LOC128462377: variants seen among roughly 807,000 people sequenced by gnomAD.
the LOC128462377 span, among the ~76,000 whole-genome samples, chr16:89,375,348 G>T: frequency 6.6e-6 from 1 of 152,242 alleles, no homozygotes; most frequent in African/African-American, 2.4e-5. Flanking sequence ...CAGCTACTCA[G>T]AAGGCTGAGA....
the LOC128462377 span, among the ~76,000 whole-genome samples, chr16:89,344,825 G>A: frequency 6.0e-3 from 914 of 152,324 alleles, 3 homozygotes; most frequent in Non-Finnish European, 9.3e-3. Context: ...AATAGCAGAC[G>A]AGGCGTGAGA....
chr16:89,324,125 A>C, the LOC128462377 span: 1 of 783,144 alleles, frequency 1.3e-6, no homozygotes, highest in Non-Finnish European at 1.7e-6. Flanking sequence ...GCCCCACGGC[A>C]CAACGCTCTC....
chr16:89,333,574 A>G, the LOC128462377 span, among the ~76,000 whole-genome samples: 1 of 152,066 alleles, frequency 6.6e-6, no homozygotes, highest in Non-Finnish European at 1.5e-5. Context: ...TGCTGTCTGC[A>G]CAGTTTTGCC....
the LOC128462377 span, among the ~76,000 whole-genome samples, chr16:89,399,380 A>T: frequency 2.0e-5 from 3 of 152,216 alleles, no homozygotes; most frequent in African/African-American, 2.4e-5. Context: ...CCATAGACGC[A>T]TGCTGCTGAG....
chr16:89,366,752 A>G, the LOC128462377 span, among the ~76,000 whole-genome samples: 1 of 152,180 alleles, frequency 6.6e-6, no homozygotes, highest in Admixed American at 6.5e-5. Context: ...GCTCTCTTGA[A>G]TGTGTGCTAT....
chr16:89,324,359 A>G, the LOC128462377 span: 11 of 1,000,928 alleles, frequency 1.1e-5, no homozygotes, highest in Non-Finnish European at 1.4e-5. Context: ...AGAGGGAAAA[A>G]GCCAGGAGGG....
the LOC128462377 span, among the ~76,000 whole-genome samples, chr16:89,389,902 C>T: frequency 1.2e-5 from 1 of 83,848 alleles, no homozygotes; most frequent in South Asian, 4.8e-4. Flanking sequence ...CGGGGAGCAC[C>T]GAGAGAGATC....
chr16:89,375,429 C>T, the LOC128462377 span, among the ~76,000 whole-genome samples: 4 of 151,218 alleles, frequency 2.6e-5, no homozygotes, highest in Non-Finnish European at 5.9e-5. Flanking sequence ...CAAGCCGCTG[C>T]GCTCCCGCCC....
chr16:89,375,906 A>G, the LOC128462377 span, among the ~76,000 whole-genome samples: 2 of 152,210 alleles, frequency 1.3e-5, no homozygotes, highest in Non-Finnish European at 2.9e-5. Flanking sequence ...CCCAAGAAGC[A>G]GAGCTCCCAG....
At chr16:89,352,797 C>T in the LOC128462377 span, among the ~76,000 whole-genome samples, 1 of 152,164 alleles carries the variant, frequency 6.6e-6, no homozygotes, top group Non-Finnish European at 1.5e-5. Context: ...GTGCTGCTGC[C>T]CTCCTTCAAG....
At chr16:89,334,295 C>T in the LOC128462377 span, among the ~76,000 whole-genome samples, 23 of 152,044 alleles carry the variant, frequency 1.5e-4, 1 homozygote, top group Non-Finnish European at 2.4e-4. Flanking sequence ...GGAGTCAACC[C>T]CCAGTGAGTG....
chr16:89,359,468 T>G, the LOC128462377 span, among the ~76,000 whole-genome samples: 1 of 152,030 alleles, frequency 6.6e-6, no homozygotes. Flanking sequence ...CTGCAGCCCC[T>G]CGGCCCCCAC....
At chr16:89,386,208 C>T in the LOC128462377 span, among the ~76,000 whole-genome samples, 1 of 152,128 alleles carries the variant, frequency 6.6e-6, no homozygotes, top group East Asian at 1.9e-4. Context: ...AAATGGAAAT[C>T]CACACTACAA....
the LOC128462377 span, among the ~76,000 whole-genome samples, chr16:89,408,337 G>C: frequency 6.6e-6 from 1 of 152,238 alleles, no homozygotes; most frequent in Non-Finnish European, 1.5e-5. Context: ...ACAAAGAGGC[G>C]TGAAGCTGGC....
the LOC128462377 span, among the ~76,000 whole-genome samples, chr16:89,349,097 T>C: frequency 0.56 from 70,627 of 125,630 alleles, 18,936 homozygotes; most frequent in Middle Eastern, 0.68. Flanking sequence ...CACTGCACTC[T>C]AGCCTGGGGG....
chr16:89,341,430 A>G, the LOC128462377 span, among the ~76,000 whole-genome samples: 14 of 152,202 alleles, frequency 9.2e-5, no homozygotes, highest in Non-Finnish European at 1.3e-4. Flanking sequence ...GACCCCACCA[A>G]GCAGCTTCCC....
the LOC128462377 span, among the ~76,000 whole-genome samples, chr16:89,347,569 C>CCA: frequency 6.6e-6 from 1 of 150,560 alleles, no homozygotes; most frequent in East Asian, 2.0e-4. Context: ...CAAGATCACG[C>CCA]CACTGCATTC....
the LOC128462377 span, among the ~76,000 whole-genome samples, chr16:89,397,463 C>T: frequency 6.6e-6 from 1 of 152,372 alleles, no homozygotes; most frequent in South Asian, 2.1e-4. Context: ...ACAGGGGGAC[C>T]CACAGGAAGC....
the LOC128462377 span, among the ~76,000 whole-genome samples, chr16:89,364,519 C>T: frequency 6.6e-6 from 1 of 152,126 alleles, no homozygotes; most frequent in African/African-American, 2.4e-5. Flanking sequence ...TTAACCTATT[C>T]GCCCTCAAAA....
Sources: allele counts gnomAD v4.1 joint callset (sites outside exome capture counted in the v4.1 genomes callset), GRCh38; gene constraint gnomAD v4.1.1; transcripts MANE v1.5.